The following ZNF462 variants were observed in gnomAD, a reference collection of about 807,000 sequenced individuals.
ZNF462 encodes the protein zinc finger PBX1-interacting protein.
Under a neutral mutation model 201.9 loss-of-function variants are expected in ZNF462, and 10 were observed. The observed-to-expected ratio is 0.05, with a 90% CI of 0.03 to 0.08. The LOEUF (loss-of-function observed/expected upper bound fraction) is 0.08, where lower values mean the gene tolerates loss of function less well. Ranked by LOEUF, ZNF462 falls within the 10% of genes least tolerant of loss-of-function variation. ZNF462 has a pLI of 1.00. For missense variants in ZNF462, 2,523 were observed against 3,168.3 expected (o/e 0.80, Z 4.89); for synonymous variants, 1,227 against 1,193.3 (o/e 1.03, Z -0.58).
At chr9:106,892,249 T>G (rs1828610771) in intron 1 of ZNF462, among the ~76,000 whole-genome samples, 1 of 152,132 alleles carries the variant, frequency 6.6e-6, no homozygotes, top group Non-Finnish European at 1.5e-5. Context: ...CCCTCTGAGG[T>G]CCTTTCCTTT....
intron 1 of ZNF462, among the ~76,000 whole-genome samples, chr9:106,897,462 T>C (rs577033887): frequency 6.6e-6 from 1 of 152,272 alleles, no homozygotes; most frequent in South Asian, 2.1e-4. Context: ...TACTTTAATA[T>C]GTCGATCTTT....
In ZNF462 at chr9:106,926,618, G is replaced by A. The variant is rs1240964494; in HGVS notation, c.2706G>A (p.Gln902=). The A allele has an allele frequency of 6.2e-6, 10 of 1,614,076 alleles. No individual in the cohort carries two copies. The East Asian group carries it at 2.2e-4, about 36-fold the overall frequency. ...YIDYTNFEDL[Q]QHYGEHHPEA... Reference sequence around the variant, plus strand: ...ATTACACCAACTTCGAAGATCTCCAGCAGCATTATGGCGAGCACCACCCAG... The same window carrying A: ...ATTACACCAACTTCGAAGATCTCCAACAGCATTATGGCGAGCACCACCCAG... The change falls in exon 3 of 13, where the codon CAG becomes CAA. Residue 902 remains glutamine (Q), a synonymous_variant. Coordinates refer to ENST00000277225, the MANE Select transcript of ZNF462 (RefSeq NM_021224.6). The surrounding 1 kb of genome is among the most constrained non-coding windows in gnomAD (Gnocchi z 7.9).
At chr9:106,897,779 G>A (rs912680678) in intron 1 of ZNF462, among the ~76,000 whole-genome samples, 2 of 152,172 alleles carry the variant, frequency 1.3e-5, no homozygotes, top group Non-Finnish European at 2.9e-5. Flanking sequence ...GACAAGGATG[G>A]CATTGAGATT....
intron 10 of ZNF462, among the ~76,000 whole-genome samples, chr9:106,986,276 A>G (rs985862679): frequency 1.3e-5 from 2 of 152,186 alleles, no homozygotes; most frequent in African/African-American, 2.4e-5. Flanking sequence ...GCTCAGGAAC[A>G]TAGGGCCCAA....
intron 1 of ZNF462, among the ~76,000 whole-genome samples, chr9:106,908,297 T>G (rs1829359185): frequency 6.6e-6 from 1 of 152,144 alleles, no homozygotes; most frequent in Non-Finnish European, 1.5e-5. Flanking sequence ...CTTATGCCTA[T>G]TTCTTGTATC....
rs1437750952 is a variant in ZNF462, at chr9:106,968,811, C to T, written c.6428-3194C>T. On this transcript the variant is annotated intron_variant, in intron 7 of 12. Coordinates refer to ENST00000277225, the MANE Select transcript of ZNF462 (RefSeq NM_021224.6). The surrounding 1 kb of genome is among the most constrained non-coding windows in gnomAD (Gnocchi z 4.0). ...TATTTTTAACCTTTCTTTCCTTAAG[C>T]TCAAAATGAAAGAAAATAGTCTTAA... Among the ~76,000 whole-genome samples the T allele has an allele frequency of 6.6e-6, 1 of 152,180 alleles. No individual in the cohort carries two copies. Among genetic ancestry groups the T allele is most frequent in the Admixed American group, 6.6e-5 (1 of 15,264 alleles).
Position 106,929,381 on chromosome 9 carries a change from AGAG to A in ZNF462, c.5473_5475del (p.Glu1825del), listed in dbSNP as rs1236115929. On this transcript the variant is annotated inframe_deletion, in exon 3 of 13. Coordinates refer to ENST00000277225, the MANE Select transcript of ZNF462 (RefSeq NM_021224.6). The surrounding 1 kb of genome is among the most constrained non-coding windows in gnomAD (Gnocchi z 8.7). ...ATGAGAAGCCCACACTGATGGAAGA[AGAG>A]GAGAGAGGCAACTTTGAGAAAGCCG... is the stretch of plus-strand genomic sequence containing the variant. The A allele has an allele frequency of 3.7e-6, 6 of 1,614,136 alleles. No homozygotes were observed. The highest frequency in any genetic ancestry group is 3.3e-5 in the Admixed American group (2 of 60,028).
intron 1 of ZNF462, among the ~76,000 whole-genome samples, chr9:106,903,525 T>C (rs1829145921): frequency 6.6e-6 from 1 of 152,198 alleles, no homozygotes; most frequent in African/African-American, 2.4e-5. Flanking sequence ...GTCAGTGTAA[T>C]ATTGAAGCCC....
chr9:106,905,733 A>G lies in ZNF462; in HGVS notation c.-30-17621A>G, dbSNP rs369403241. Among the ~76,000 whole-genome samples, 3 of 151,742 alleles carry G rather than the reference A, an allele frequency of 2.0e-5. No homozygotes were observed. The highest frequency in any genetic ancestry group is 3.9e-4 in the East Asian group (2 of 5,154). ...CCAGCAGTCATGAAGGGCTGGTCTCACTCTCACCGTGACCCCCGCAACAGC... is the reference window on the plus strand; with the variant it reads ...CCAGCAGTCATGAAGGGCTGGTCTCGCTCTCACCGTGACCCCCGCAACAGC... On this transcript the variant is annotated intron_variant, in intron 1 of 12. Coordinates refer to ENST00000277225, the MANE Select transcript of ZNF462 (RefSeq NM_021224.6). The surrounding 1 kb of genome is among the most constrained non-coding windows in gnomAD (Gnocchi z 5.9).
At position 107,012,861 on chromosome 9, in the gene ZNF462, A is replaced by G. The variant is rs1461084872; in HGVS notation, c.*1831A>G. On this transcript the variant is annotated 3_prime_UTR_variant, in exon 13 of 13. Coordinates refer to ENST00000277225, the MANE Select transcript of ZNF462 (RefSeq NM_021224.6). The stretch of plus-strand genomic sequence containing the variant: ...TTTGTGGAATAAGTGCTTACTTGAA[A>G]AGCATGTTCTTCTTTTATTTTCTTA... The G allele has an allele frequency of 6.6e-6, 1 of 152,030 alleles. No homozygotes were observed. Among genetic ancestry groups the G allele is most frequent in the East Asian group, 1.9e-4 (1 of 5,186 alleles). The allele number at this position is 152,030 out of a possible 1,614,324, so 9.4% of individuals were successfully genotyped here.
chr9:107,012,713 T>TTG lies in ZNF462; in HGVS notation c.*1684_*1685insGT, dbSNP rs1554720752. 4.6e-5 allele frequency: 2 copies of TTG among 43,512 alleles called. No homozygotes were observed. Among genetic ancestry groups the TTG allele is most frequent in the African/African-American group, 3.7e-4 (2 of 5,444 alleles). 2.7% of individuals were successfully genotyped at this position (43,512 alleles called of 1,614,324 possible). A position where few individuals can be genotyped will look rare whatever the true frequency, so the allele number is the denominator to read the frequency against. ...CGTGTGAATCCTTTGGTTTTCATGT[T>TTG]TTTTTTTTTTTTTTTTTACTTGGAA... On this transcript the variant is annotated 3_prime_UTR_variant, in exon 13 of 13. Transcript: ENST00000277225.
At position 107,012,154 on chromosome 9, in the gene ZNF462, C is replaced by G. The variant is rs1233510806; in HGVS notation, c.*1124C>G. On this transcript the variant is annotated 3_prime_UTR_variant, in exon 13 of 13. Transcript: ENST00000277225. ...TAATTTAACTAAAGAACCAAACTTTCGGCACAGCTATGCAGCTTGTGGGCC... is the reference window on the plus strand; with the variant it reads ...TAATTTAACTAAAGAACCAAACTTTGGGCACAGCTATGCAGCTTGTGGGCC... 2.3e-5 allele frequency: 3 copies of G among 132,200 alleles called. No individual in the cohort carries two copies. The highest frequency in any genetic ancestry group is 8.3e-5 in the African/African-American group (3 of 36,042). The allele number at this position is 132,200 out of a possible 1,614,324, so 8.2% of individuals were successfully genotyped here. A position where few individuals can be genotyped will look rare whatever the true frequency, so the allele number is the denominator to read the frequency against.
At position 106,913,967 on chromosome 9, in the gene ZNF462, A is replaced by G. The variant is rs1829659785; in HGVS notation, c.-30-9387A>G. 1.3e-5 allele frequency among the ~76,000 whole-genome samples: 2 copies of G among 150,424 alleles called. No homozygotes were observed. The highest frequency in any genetic ancestry group is 3.0e-5 in the Non-Finnish European group (2 of 67,392). On this transcript the variant is annotated intron_variant, in intron 1 of 12. Coordinates refer to ENST00000277225, the MANE Select transcript of ZNF462 (RefSeq NM_021224.6). This position sits in a 1 kb window ranked among gnomAD's most constrained non-coding sequence, Gnocchi z 4.1. The stretch of plus-strand genomic sequence containing the variant: ...AACTCACAGGATTATCAACTGTGCA[A>G]AGGTGGATACAAAGGCCGTATCACT...
At chr9:107,001,992 G>T (rs1829222495) in intron 10 of ZNF462, among the ~76,000 whole-genome samples, 1 of 152,120 alleles carries the variant, frequency 6.6e-6, no homozygotes, top group Non-Finnish European at 1.5e-5. Context: ...TTCAGTCTCA[G>T]TGTCTAAGGC....
In ZNF462 at chr9:106,972,060, A is replaced by C; in HGVS notation, c.6483A>C (p.Ser2161=). The change falls in exon 8 of 13, where the codon TCA becomes TCC. Residue 2161 remains serine, a synonymous_variant. Coordinates refer to ENST00000277225, the MANE Select transcript of ZNF462 (RefSeq NM_021224.6). The surrounding 1 kb of genome is among the most constrained non-coding windows in gnomAD (Gnocchi z 4.8). ...DVQQQLNHYQ[S]AALARNNSRV... ...AGCAGCAGTTGAACCACTATCAGTCAGCTGCCCTGGCAAGGAACAACAGCC... is the reference window on the plus strand; with the variant it reads ...AGCAGCAGTTGAACCACTATCAGTCCGCTGCCCTGGCAAGGAACAACAGCC... 1 of 1,614,198 alleles carries C rather than the reference A, an allele frequency of 6.2e-7. No homozygotes were observed. Among genetic ancestry groups the C allele is most frequent in the Non-Finnish European group, 8.5e-7 (1 of 1,180,026 alleles).
chr9:106,934,503 C>T (rs1402168852), intron 5 of ZNF462, among the ~76,000 whole-genome samples: 2 of 152,042 alleles, frequency 1.3e-5, no homozygotes, highest in Non-Finnish European at 2.9e-5. Flanking sequence ...AGGTTAGTGC[C>T]ATTTATAGAA....
At chr9:106,976,599 C>T (rs1827019733) in intron 9 of ZNF462, 1 of 152,150 alleles carries the variant, frequency 6.6e-6, no homozygotes, top group African/African-American at 2.4e-5. Context: ...GTGGTCTCTT[C>T]TGTTTACTTG....
intron 1 of ZNF462, among the ~76,000 whole-genome samples, 175 bp downstream of exon 1, chr9:106,863,530 A>C (rs1827147864): frequency 1.4e-5 from 2 of 142,512 alleles, no homozygotes; most frequent in Non-Finnish European, 3.0e-5. Context: ...AAGAAGCGAG[A>C]GAGAAGAGGA....
intron 10 of ZNF462, among the ~76,000 whole-genome samples, chr9:106,999,879 G>A (rs1829051609): frequency 6.6e-6 from 1 of 152,076 alleles, no homozygotes; most frequent in African/African-American, 2.4e-5. Flanking sequence ...TGGCCAGTGG[G>A]GGTTCAGCTG....
Sources: allele counts gnomAD v4.1 joint callset (sites outside exome capture counted in the v4.1 genomes callset), GRCh38; gene constraint gnomAD v4.1.1; non-coding constraint Gnocchi (gnomAD v3.1); transcripts MANE v1.5; gene names NCBI Gene and HGNC (gene_info 2026-07-23, HGNC 2026-07-21).